The following HIBADH variants were observed in gnomAD, a reference collection of about 807,000 sequenced individuals.
The protein encoded by HIBADH is 3-hydroxyisobutyrate dehydrogenase.
HIBADH carries 25 observed loss-of-function variants against 36.1 expected under a neutral mutation model. The ratio of observed to expected loss-of-function variants is 0.69; its 90% CI spans 0.50 to 0.97. The LOEUF (loss-of-function observed/expected upper bound fraction) is 0.97, where lower values mean the gene tolerates loss of function less well. Ranked by LOEUF, HIBADH falls within the 50% of genes least tolerant of loss-of-function variation. The pLI, the probability that HIBADH is intolerant of heterozygous loss-of-function variation, is 0.00. For synonymous variants in HIBADH, 160 were observed against 149.5 expected, an observed-to-expected ratio of 1.07 and a Z score of -0.51; for missense variants, 421 against 418.0, an observed-to-expected ratio of 1.01 and a Z score of -0.06.
At chr7:27,565,005 A>G (rs1007713336) in intron 4 of HIBADH, among the ~76,000 whole-genome samples, 1 of 152,184 alleles carries the variant, frequency 6.6e-6, no homozygotes, top group Non-Finnish European at 1.5e-5. Context: ...GGGCTAATCA[A>G]TTCCTAGAGA....
chr7:27,542,577 A>C (rs1211798937), intron 5 of HIBADH, among the ~76,000 whole-genome samples: 1 of 150,406 alleles, frequency 6.6e-6, no homozygotes, highest in African/African-American at 2.4e-5. Context: ...TCAGCCTCCT[A>C]AGTAGCTGTG....
chr7:27,626,705 A>G (rs1375326956), intron 4 of HIBADH, among the ~76,000 whole-genome samples: 1 of 152,234 alleles, frequency 6.6e-6, no homozygotes, highest in Non-Finnish European at 1.5e-5. Flanking sequence ...TTTTAAAAAA[A>G]CTTCTCTTTA....
chr7:27,651,139 T>C (rs966728303), intron 1 of HIBADH, among the ~76,000 whole-genome samples: 1 of 152,224 alleles, frequency 6.6e-6, no homozygotes, highest in African/African-American at 2.4e-5. Flanking sequence ...TCCCCTCAAC[T>C]GAACTTAATC....
At chr7:27,651,803 TA>T (rs1431216838) in intron 1 of HIBADH, among the ~76,000 whole-genome samples, 1 of 151,842 alleles carries the variant, frequency 6.6e-6, no homozygotes, top group Non-Finnish European at 1.5e-5. Context: ...CAAGAAGAAA[TA>T]AACCATGTAC....
At chr7:27,629,794 G>A (rs760764812) in intron 3 of HIBADH, among the ~76,000 whole-genome samples, 6 of 151,994 alleles carry the variant, frequency 3.9e-5, no homozygotes, top group Non-Finnish European at 8.8e-5. Context: ...TAATAAACAT[G>A]AAGCTAAGAT....
chr7:27,641,095 G>A (rs1017114706), intron 2 of HIBADH, among the ~76,000 whole-genome samples: 1 of 152,138 alleles, frequency 6.6e-6, no homozygotes, highest in Non-Finnish European at 1.5e-5. Context: ...CAGAAGCAAA[G>A]AGAAAAGAAA....
chr7:27,602,355 A>T (rs948658821), intron 4 of HIBADH, among the ~76,000 whole-genome samples: 1 of 152,184 alleles, frequency 6.6e-6, no homozygotes, highest in African/African-American at 2.4e-5. Flanking sequence ...GAATCTACTT[A>T]TTGATAAGGC....
intron 4 of HIBADH, among the ~76,000 whole-genome samples, chr7:27,587,301 A>G (rs927065396): frequency 1.3e-5 from 2 of 152,210 alleles, no homozygotes; most frequent in Non-Finnish European, 2.9e-5. Flanking sequence ...AATTAATTGC[A>G]AAAGAAAACC....
intron 4 of HIBADH, among the ~76,000 whole-genome samples, chr7:27,585,641 T>C (rs2128288165): frequency 6.6e-6 from 1 of 152,192 alleles, no homozygotes; most frequent in Middle Eastern, 3.4e-3. Context: ...GTAAAAAGCA[T>C]TTGTAAGACG....
intron 7 of HIBADH, 109 bp downstream of exon 7, chr7:27,531,083 A>G: frequency 1.9e-6 from 2 of 1,071,466 alleles, no homozygotes; most frequent in South Asian, 3.4e-5. Flanking sequence ...TATTCTAGTA[A>G]TTTTGCCTCT....
chr7:27,587,669 G>C (rs145044908), intron 4 of HIBADH, among the ~76,000 whole-genome samples: 1 of 152,126 alleles, frequency 6.6e-6, no homozygotes, highest in African/African-American at 2.4e-5. Context: ...TCGCCTTACC[G>C]CTACAATTAG....
At chr7:27,568,723 A>C (rs1426532300) in intron 4 of HIBADH, among the ~76,000 whole-genome samples, 2 of 152,126 alleles carry the variant, frequency 1.3e-5, no homozygotes, top group African/African-American at 4.8e-5. Context: ...CACCCACTTT[A>C]GTCTCCCAAA....
chr7:27,599,736 T>C (rs370795978), intron 4 of HIBADH, among the ~76,000 whole-genome samples: 2 of 85,318 alleles, frequency 2.3e-5, no homozygotes, highest in South Asian at 3.6e-4. Context: ...GAAAGTAAAA[T>C]AATACAAATA....
chr7:27,584,856 A>G (rs1416190401), intron 4 of HIBADH, among the ~76,000 whole-genome samples: 1 of 152,002 alleles, frequency 6.6e-6, no homozygotes, highest in Non-Finnish European at 1.5e-5. Flanking sequence ...CAGCAGTTTT[A>G]CTCACCATTC....
At chr7:27,578,933 A>C (rs555111133) in intron 4 of HIBADH, among the ~76,000 whole-genome samples, 1 of 152,332 alleles carries the variant, frequency 6.6e-6, no homozygotes, top group East Asian at 1.9e-4. Context: ...TAAGAAAATA[A>C]TCAGACAAAT....
intron 4 of HIBADH, among the ~76,000 whole-genome samples, chr7:27,574,653 T>C (rs754464201): frequency 1.3e-5 from 2 of 152,126 alleles, no homozygotes; most frequent in African/African-American, 2.4e-5. Flanking sequence ...CCTCTAATAA[T>C]AATGAAATTT....
chr7:27,658,002 A>T (rs977776737), intron 1 of HIBADH, among the ~76,000 whole-genome samples: 24 of 152,204 alleles, frequency 1.6e-4, no homozygotes, highest in Admixed American at 6.5e-5. Context: ...GTCAAGTCCT[A>T]TGCCAACTGC....
At position 27,588,427 on chromosome 7, in the gene HIBADH, C is replaced by G. The variant is rs59333116; in HGVS notation, c.484+40944G>C. On this transcript the variant is annotated intron_variant, in intron 4 of 7. Coordinates refer to ENST00000265395, the MANE Select transcript of HIBADH (RefSeq NM_152740.4). Reference sequence around the variant, plus strand: ...CACTGTAGCCTCTAACTCCTGGGCTCAAGTGATCCTCCTGCCTCAGCCTCC... The same window carrying G: ...CACTGTAGCCTCTAACTCCTGGGCTGAAGTGATCCTCCTGCCTCAGCCTCC... Among the ~76,000 whole-genome samples the G allele has an allele frequency of 3.8e-3, 582 of 152,328 alleles. 1 individual carries two copies. The highest frequency in any genetic ancestry group is 0.013 in the African/African-American group (548 of 41,570).
intron 4 of HIBADH, among the ~76,000 whole-genome samples, chr7:27,564,635 TTTAG>T (rs1352600731): frequency 2.6e-5 from 4 of 152,192 alleles, no homozygotes; most frequent in African/African-American, 9.7e-5. Flanking sequence ...CTTTGGTTAT[TTTAG>T]TTATTTTGTT....
Sources: allele counts gnomAD v4.1 joint callset (sites outside exome capture counted in the v4.1 genomes callset), GRCh38; gene constraint gnomAD v4.1.1; transcripts MANE v1.5; gene names NCBI Gene and HGNC (gene_info 2026-07-23, HGNC 2026-07-21).